SUGCT: variants seen among roughly 807,000 people sequenced by gnomAD.
SUGCT encodes succinyl-CoA:glutarate-CoA transferase, also known as succinyl-CoA:glutarate CoA-transferase.
SUGCT carries 41 observed loss-of-function variants against 55.0 expected under a neutral mutation model. The ratio of observed to expected loss-of-function variants is 0.74; its 90% CI spans 0.58 to 0.97. SUGCT has a LOEUF of 0.97. Among genes scored for constraint, SUGCT ranks in the 50% least tolerant of loss-of-function variants. The pLI is 0.00. For synonymous variants in SUGCT, 187 were observed against 200.4 expected, an observed-to-expected ratio of 0.93 and a Z score of 0.56; for missense variants, 568 against 547.8, an observed-to-expected ratio of 1.04 and a Z score of -0.37.
At chr7:40,988,311 A>C in the SUGCT span, among the ~76,000 whole-genome samples, 1 of 150,438 alleles carries the variant, frequency 6.6e-6, no homozygotes, top group African/African-American at 2.5e-5. Flanking sequence ...TGGTGGGTGG[A>C]GATAAGACCT....
At chr7:40,931,917 A>G in the SUGCT span, among the ~76,000 whole-genome samples, 2 of 151,834 alleles carry the variant, frequency 1.3e-5, no homozygotes, top group Non-Finnish European at 2.9e-5. Context: ...TTGTGTCTCT[A>G]TCTCCTTCAG....
chr7:40,921,786 T>G, the SUGCT span, among the ~76,000 whole-genome samples: 4 of 152,116 alleles, frequency 2.6e-5, no homozygotes, highest in Non-Finnish European at 4.4e-5. Context: ...CACTGCACTT[T>G]GAGAGGTTTG....
chr7:41,020,791 T>C, the SUGCT span, among the ~76,000 whole-genome samples: 1 of 152,158 alleles, frequency 6.6e-6, no homozygotes, highest in African/African-American at 2.4e-5. Context: ...CATAAGACCG[T>C]AACAGTTTAT....
chr7:40,799,039 G>A (rs1204016221), intron 13 of SUGCT, among the ~76,000 whole-genome samples: 6 of 152,100 alleles, frequency 3.9e-5, no homozygotes, highest in Admixed American at 2.0e-4. Flanking sequence ...TGCTCCGCTG[G>A]ATGGTAGCCC....
At chr7:41,005,817 C>G in the SUGCT span, among the ~76,000 whole-genome samples, 1 of 152,184 alleles carries the variant, frequency 6.6e-6, no homozygotes, top group Non-Finnish European at 1.5e-5. Flanking sequence ...CCAATACTGA[C>G]TTCTAAGCCA....
chr7:40,987,263 A>G, the SUGCT span, among the ~76,000 whole-genome samples: 14 of 152,170 alleles, frequency 9.2e-5, no homozygotes, highest in Non-Finnish European at 1.6e-4. Context: ...GGACAAAGGT[A>G]TGTGGACATG....
chr7:40,740,227 A>T (rs1787390402), intron 12 of SUGCT, among the ~76,000 whole-genome samples: 1 of 152,092 alleles, frequency 6.6e-6, no homozygotes, highest in Admixed American at 6.6e-5. Context: ...GTATACAAAA[A>T]TATGATTGAT....
At chr7:40,846,829 T>C (rs946189573) in intron 13 of SUGCT, among the ~76,000 whole-genome samples, 3 of 152,176 alleles carry the variant, frequency 2.0e-5, no homozygotes, top group Non-Finnish European at 4.4e-5. Context: ...ATGAAATTCT[T>C]CAGTTGACAA....
At chr7:40,782,281 T>G (rs1210086155) in intron 13 of SUGCT, among the ~76,000 whole-genome samples, 1 of 152,126 alleles carries the variant, frequency 6.6e-6, no homozygotes, top group Non-Finnish European at 1.5e-5. Flanking sequence ...TTATTACATA[T>G]CTATAATTTT....
intron 9 of SUGCT, among the ~76,000 whole-genome samples, chr7:40,364,216 G>A (rs1442046721): frequency 2.6e-5 from 4 of 152,084 alleles, no homozygotes; most frequent in Admixed American, 6.6e-5. Flanking sequence ...GTCTCTGCAC[G>A]TGAGATGGGT....
At chr7:40,642,636 GAGTC>G in intron 12 of SUGCT, among the ~76,000 whole-genome samples, 1 of 152,334 alleles carries the variant, frequency 6.6e-6, no homozygotes, top group South Asian at 2.1e-4. Context: ...TGGAAGGTAA[GAGTC>G]AGTTGAGAAC....
intron 9 of SUGCT, among the ~76,000 whole-genome samples, chr7:40,339,539 C>G (rs1796927615): frequency 6.6e-6 from 1 of 152,180 alleles, no homozygotes. Context: ...GTGGGACCCT[C>G]TGAGCCAGGT....
intron 7 of SUGCT, among the ~76,000 whole-genome samples, chr7:40,249,315 A>ATCTATC (rs1314961773): frequency 4.5e-4 from 15 of 33,516 alleles, no homozygotes; most frequent in African/African-American, 1.3e-3. Context: ...CCAAAAAGCT[A>ATCTATC]TATATATATA....
At chr7:40,585,680 T>G (rs1296581097) in intron 12 of SUGCT, among the ~76,000 whole-genome samples, 1 of 152,098 alleles carries the variant, frequency 6.6e-6, no homozygotes, top group Non-Finnish European at 1.5e-5. Context: ...GCCTCTAAAC[T>G]TTTTTGTTTT....
At chr7:40,511,844 C>CATG in intron 12 of SUGCT, among the ~76,000 whole-genome samples, 2 of 152,190 alleles carry the variant, frequency 1.3e-5, no homozygotes, top group Middle Eastern at 6.8e-3. Context: ...GTTCCAAAAA[C>CATG]ATGAAAGAAT....
At chr7:40,735,619 G>A (rs1787113622) in intron 12 of SUGCT, among the ~76,000 whole-genome samples, 1 of 152,104 alleles carries the variant, frequency 6.6e-6, no homozygotes, top group South Asian at 2.1e-4. Context: ...GTCCACAGTA[G>A]GTGGGAGATA....
intron 12 of SUGCT, among the ~76,000 whole-genome samples, chr7:40,686,153 C>T (rs1784453634): frequency 6.6e-6 from 1 of 152,092 alleles, no homozygotes; most frequent in African/African-American, 2.4e-5. Context: ...TTCCTGGTTT[C>T]CTGTTCCATT....
intron 12 of SUGCT, among the ~76,000 whole-genome samples, chr7:40,636,329 T>C (rs1487163215): frequency 2.0e-5 from 3 of 152,156 alleles, no homozygotes; most frequent in African/African-American, 7.2e-5. Context: ...TACATGTGGC[T>C]GCTTGGATTT....
intron 13 of SUGCT, among the ~76,000 whole-genome samples, chr7:40,780,954 A>G (rs1789714593): frequency 6.6e-6 from 1 of 152,200 alleles, no homozygotes; most frequent in African/African-American, 2.4e-5. Context: ...GACAAAGTTT[A>G]CCAAAAGAAA....
Sources: gnomAD v4.1 joint callset for allele counts (sites outside exome capture counted in the v4.1 genomes callset) on GRCh38, gnomAD v4.1.1 for gene constraint, MANE v1.5 for transcripts, NCBI Gene and HGNC (gene_info 2026-07-23, HGNC 2026-07-21) for gene names.